Variants in KCNN2 observed in about 807,000 individuals in gnomAD.
The protein encoded by KCNN2 is potassium calcium-activated channel subfamily N member 2.
KCNN2 carries 24 observed loss-of-function variants against 55.5 expected under a neutral mutation model. The ratio of observed to expected loss-of-function variants is 0.43; its 90% CI spans 0.31 to 0.61. The LOEUF (loss-of-function observed/expected upper bound fraction) is 0.61, where lower values mean the gene tolerates loss of function less well. Among genes scored for constraint, KCNN2 ranks in the 20% least tolerant of loss-of-function variants. KCNN2 has a pLI of 0.08. For synonymous variants in KCNN2, 431 were observed against 336.1 expected, an observed-to-expected ratio of 1.28 and a Z score of -3.09; for missense variants, 754 against 853.6, an observed-to-expected ratio of 0.88 and a Z score of 1.45.
chr5:114,372,287 G>C (rs2150051321), intron 2 of KCNN2, among the ~76,000 whole-genome samples: 1 of 152,202 alleles, frequency 6.6e-6, no homozygotes, highest in Admixed American at 6.6e-5. Flanking sequence ...TGAATCTTTG[G>C]ACAAGCCAAG....
At chr5:114,236,907 T>A (rs1189258372) in intron 2 of KCNN2, among the ~76,000 whole-genome samples, 2 of 152,172 alleles carry the variant, frequency 1.3e-5, no homozygotes, top group African/African-American at 4.8e-5. Flanking sequence ...TAGCTAAGAT[T>A]CATCATATTT....
intron 1 of KCNN2, among the ~76,000 whole-genome samples, chr5:114,164,756 A>T (rs1752873057): frequency 6.6e-6 from 1 of 152,182 alleles, no homozygotes; most frequent in Non-Finnish European, 1.5e-5. Context: ...TTGTAGAACA[A>T]CTTAGCTCCC....
intron 2 of KCNN2, among the ~76,000 whole-genome samples, chr5:114,223,165 A>G (rs950430287): frequency 6.6e-6 from 1 of 152,226 alleles, no homozygotes; most frequent in Non-Finnish European, 1.5e-5. Context: ...ACCTGGGCAC[A>G]AATACATGTC....
chr5:114,319,032 C>T (rs2150028676), intron 2 of KCNN2, among the ~76,000 whole-genome samples: 1 of 152,144 alleles, frequency 6.6e-6, no homozygotes, highest in South Asian at 2.1e-4. Context: ...CTTCTGTGCC[C>T]CCAACGTACA....
intron 1 of KCNN2, among the ~76,000 whole-genome samples, chr5:114,105,274 C>T (rs1353598216): frequency 6.6e-6 from 1 of 152,028 alleles, no homozygotes; most frequent in Non-Finnish European, 1.5e-5. Flanking sequence ...ATATAAATAA[C>T]TGAACCATAA....
At chr5:114,077,658 T>C (rs950498213) in intron 1 of KCNN2, among the ~76,000 whole-genome samples, 1 of 152,152 alleles carries the variant, frequency 6.6e-6, no homozygotes, top group African/African-American at 2.4e-5. Context: ...ATTTGGGGAA[T>C]TGTGGACAAG....
chr5:114,327,824 CAG>C lies in KCNN2; in HGVS notation c.-184-33119_-184-33118del, dbSNP rs1369668665. Among the ~76,000 whole-genome samples, 27 of 152,138 alleles carry C rather than the reference CAG, an allele frequency of 1.8e-4. 1 individual carries two copies. Among genetic ancestry groups the C allele is most frequent in the Non-Finnish European group, 2.8e-4 (19 of 68,022 alleles). Reference sequence around the variant, plus strand: ...AGGTAGTCCAATTTAGTAAATCAAACAGATATATGTCAATATACAATGAGGAC... The same window carrying C: ...AGGTAGTCCAATTTAGTAAATCAAACATATATGTCAATATACAATGAGGAC... On this transcript the variant is annotated intron_variant, in intron 2 of 10. Coordinates refer to the KCNN2 transcript ENST00000512097.
intron 1 of KCNN2, among the ~76,000 whole-genome samples, chr5:114,081,192 A>G (rs1195216716): frequency 6.6e-6 from 1 of 152,174 alleles, no homozygotes; most frequent in Non-Finnish European, 1.5e-5. Context: ...GGATTAGAAG[A>G]TAATATTAAG....
At position 114,292,288 on chromosome 5, in the gene KCNN2, T is replaced by A. The variant is rs549288830; in HGVS notation, c.-184-68657T>A. ...GTCCATGCCTATGGCCTGAATGGCA[T>A]TGCCTAGGTTTTCTTCTAGGGTTTT... On this transcript the variant is annotated intron_variant, in intron 2 of 10. Transcript: ENST00000512097. Among the ~76,000 whole-genome samples, 15 of 152,334 alleles carry A rather than the reference T, an allele frequency of 9.8e-5. 1 individual carries two copies. The South Asian group carries it at 3.1e-3, about 32-fold the overall frequency.
At chr5:114,284,558 G>T (rs1222594740) in intron 2 of KCNN2, among the ~76,000 whole-genome samples, 1 of 151,864 alleles carries the variant, frequency 6.6e-6, no homozygotes, top group East Asian at 1.9e-4. Context: ...TTGCTCTGTT[G>T]CCAGGCTGGA....
intron 3 of KCNN2, among the ~76,000 whole-genome samples, chr5:114,451,923 G>C (rs914687768): frequency 6.6e-6 from 1 of 151,516 alleles, no homozygotes; most frequent in Non-Finnish European, 1.5e-5. Context: ...GAATCAAATG[G>C]AATCCTGCCT....
At chr5:114,123,529 A>G (rs1421722951) in intron 1 of KCNN2, among the ~76,000 whole-genome samples, 1 of 117,584 alleles carries the variant, frequency 8.5e-6, no homozygotes, top group Admixed American at 8.0e-5. Context: ...CGCCCGGCTA[A>G]TTTTTTGTGT....
At chr5:114,304,093 G>T (rs1371791667) in intron 2 of KCNN2, among the ~76,000 whole-genome samples, 1 of 152,174 alleles carries the variant, frequency 6.6e-6, no homozygotes, top group African/African-American at 2.4e-5. Context: ...GTTAGACTAA[G>T]CTCTGCCCAC....
chr5:114,146,514 G>A (rs1391602261), intron 1 of KCNN2, among the ~76,000 whole-genome samples: 3 of 152,084 alleles, frequency 2.0e-5, no homozygotes, highest in African/African-American at 7.2e-5. Context: ...CATGAGAAGT[G>A]GCTTCTCCGG....
At chr5:114,151,946 C>G (rs1054142935) in intron 1 of KCNN2, among the ~76,000 whole-genome samples, 2 of 152,174 alleles carry the variant, frequency 1.3e-5, no homozygotes, top group Non-Finnish European at 2.9e-5. Flanking sequence ...GGAAATTAAA[C>G]TGTTCCTGTT....
intron 1 of KCNN2, among the ~76,000 whole-genome samples, chr5:114,173,081 T>A (rs2112544876): frequency 6.6e-6 from 1 of 152,154 alleles, no homozygotes; most frequent in African/African-American, 2.4e-5. Context: ...TAGATGTACA[T>A]CTTTAATTCA....
intron 1 of KCNN2, among the ~76,000 whole-genome samples, chr5:114,173,434 T>C (rs1753077409): frequency 9.2e-6 from 1 of 108,600 alleles, no homozygotes; most frequent in Non-Finnish European, 1.8e-5. Flanking sequence ...TGTTTTTGTT[T>C]TGTTTGTGTG....
intron 2 of KCNN2, among the ~76,000 whole-genome samples, chr5:114,234,514 A>G (rs1238258676): frequency 6.6e-6 from 1 of 152,218 alleles, no homozygotes; most frequent in East Asian, 1.9e-4. Flanking sequence ...CTAATGCAGT[A>G]TATCAAGCAA....
chr5:114,374,534 A>G (rs1757876884), intron 2 of KCNN2, among the ~76,000 whole-genome samples: 1 of 152,196 alleles, frequency 6.6e-6, no homozygotes, highest in Admixed American at 6.5e-5. Flanking sequence ...AGAACTGGGA[A>G]GAATTTCTGT....
Sources: allele counts gnomAD v4.1 joint callset (sites outside exome capture counted in the v4.1 genomes callset), GRCh38; gene constraint gnomAD v4.1.1; transcripts MANE v1.5; gene names NCBI Gene and HGNC (gene_info 2026-07-23, HGNC 2026-07-21).